CDH18: variants seen among roughly 807,000 people sequenced by gnomAD.
CDH18 encodes cadherin 18, also known as cadherin-18.
CDH18 carries 31 observed loss-of-function variants against 67.9 expected under a neutral mutation model. The observed-to-expected ratio is 0.46, with a 90% CI of 0.34 to 0.62. The LOEUF is 0.62. Ranked by LOEUF, CDH18 falls within the 20% of genes least tolerant of loss-of-function variation. The pLI, the probability that CDH18 is intolerant of heterozygous loss-of-function variation, is 0.01. For missense variants in CDH18, 890 were observed against 975.5 expected, an observed-to-expected ratio of 0.91 and a Z score of 1.17; for synonymous variants, 362 against 347.2, an observed-to-expected ratio of 1.04 and a Z score of -0.48.
intron 2 of CDH18, among the ~76,000 whole-genome samples, chr5:20,171,599 T>C (rs1216783793): frequency 6.6e-6 from 1 of 152,110 alleles, no homozygotes; most frequent in African/African-American, 2.4e-5. Context: ...TTAAGTCTCT[T>C]ACAGATGCTG....
chr5:19,910,742 C>T (rs1579549604), intron 2 of CDH18, among the ~76,000 whole-genome samples: 3 of 152,078 alleles, frequency 2.0e-5, no homozygotes, highest in African/African-American at 7.2e-5. Context: ...GTGTCCTGGA[C>T]ATTGGAGATG....
At chr5:20,323,098 C>G (rs933582091) in intron 1 of CDH18, among the ~76,000 whole-genome samples, 1 of 151,992 alleles carries the variant, frequency 6.6e-6, no homozygotes, top group Non-Finnish European at 1.5e-5. Context: ...ATAATTCACA[C>G]GGTGAATGAA....
chr5:20,569,694 G>A (rs1248889255), intron 1 of CDH18, among the ~76,000 whole-genome samples: 1 of 152,118 alleles, frequency 6.6e-6, no homozygotes, highest in Admixed American at 6.6e-5. Context: ...CAAATGAGTT[G>A]AACACTTACA....
chr5:19,810,821 A>C (rs572436564), intron 3 of CDH18, among the ~76,000 whole-genome samples: 2 of 151,992 alleles, frequency 1.3e-5, no homozygotes, highest in Admixed American at 1.3e-4. Context: ...TCAGGAGTTC[A>C]AGACTAGCCT....
intron 5 of CDH18, among the ~76,000 whole-genome samples, chr5:19,720,065 T>C (rs1765880809): frequency 6.6e-6 from 1 of 152,084 alleles, no homozygotes; most frequent in Admixed American, 6.6e-5. Flanking sequence ...CAAATCCTCT[T>C]GTAAACATGA....
intron 1 of CDH18, among the ~76,000 whole-genome samples, chr5:20,428,558 C>T (rs1748495633): frequency 2.0e-5 from 3 of 152,188 alleles, no homozygotes; most frequent in South Asian, 2.1e-4. Context: ...TACACTCCCA[C>T]CACAGTGTAA....
chr5:19,674,070 T>C (rs537353755), intron 5 of CDH18, among the ~76,000 whole-genome samples: 2 of 152,262 alleles, frequency 1.3e-5, no homozygotes, highest in South Asian at 2.1e-4. Flanking sequence ...TACCTTCTTT[T>C]ATTTTTTTGT....
chr5:20,418,373 G>A (rs957083175), intron 1 of CDH18, among the ~76,000 whole-genome samples: 6 of 150,276 alleles, frequency 4.0e-5, no homozygotes, highest in African/African-American at 1.5e-4. Context: ...GAGCCACCAC[G>A]CCCGGCCAAG....
chr5:19,870,603 T>C lies in CDH18; in HGVS notation c.-256-31361A>G, dbSNP rs138432688. On this transcript the variant is annotated intron_variant, in intron 2 of 12. Coordinates refer to ENST00000382275, the MANE Select transcript of CDH18 (RefSeq NM_004934.5). ...TCTTCAACTGGAGCCACACCTCCCC[T>C]GAGCAAGTTTATGTTTTCTTGTGCT... Among the ~76,000 whole-genome samples, 1,184 of 152,222 alleles carry C rather than the reference T, an allele frequency of 7.8e-3. 9 individuals are homozygous for C. Among genetic ancestry groups the C allele is most frequent in the Middle Eastern group, 0.02 (6 of 294 alleles).
At chr5:20,012,535 A>C (rs1299537963) in intron 2 of CDH18, among the ~76,000 whole-genome samples, 1 of 152,130 alleles carries the variant, frequency 6.6e-6, no homozygotes, top group African/African-American at 2.4e-5. Context: ...CAAGAAGAAT[A>C]AAACACCTAG....
At chr5:19,792,489 T>C (rs1200006544) in intron 3 of CDH18, among the ~76,000 whole-genome samples, 1 of 152,180 alleles carries the variant, frequency 6.6e-6, no homozygotes, top group African/African-American at 2.4e-5. Flanking sequence ...AGACAGCACA[T>C]GGTAGGACTG....
chr5:20,242,620 A>ATACATATATATATATACATG (rs1554106665), intron 2 of CDH18, among the ~76,000 whole-genome samples: 12 of 68,874 alleles, frequency 1.7e-4, no homozygotes, highest in East Asian at 8.8e-4. Context: ...AAATATATAT[A>ATACATATATATATATACATG]TATATATATA....
At chr5:20,047,060 C>G (rs148780938) in intron 2 of CDH18, among the ~76,000 whole-genome samples, 1 of 151,790 alleles carries the variant, frequency 6.6e-6, no homozygotes, top group African/African-American at 2.4e-5. Context: ...GTTGATGGAG[C>G]AGTGTTTGGA....
intron 1 of CDH18, among the ~76,000 whole-genome samples, chr5:20,270,455 T>C (rs1259403799): frequency 6.6e-6 from 1 of 152,122 alleles, no homozygotes; most frequent in Admixed American, 6.6e-5. Context: ...CCAGTCAGAA[T>C]GGCTATTATT....
At chr5:20,284,255 G>T (rs1307542026) in intron 1 of CDH18, among the ~76,000 whole-genome samples, 1 of 151,892 alleles carries the variant, frequency 6.6e-6, no homozygotes, top group East Asian at 1.9e-4. Context: ...TAATTGGATT[G>T]TTTGTCACAT....
chr5:20,043,183 T>C (rs1046724444), intron 2 of CDH18, among the ~76,000 whole-genome samples: 8 of 152,038 alleles, frequency 5.3e-5, no homozygotes, highest in African/African-American at 1.7e-4. Context: ...CTATCAGTAA[T>C]GTCTACCGAT....
In CDH18 at chr5:19,891,729, A is replaced by G. The variant is rs532464810; in HGVS notation, c.-256-52487T>C. ...GGCTGAGATACTCTGTTTTCAGAAT[A>G]GAAACATCAGCTTTGGAAATGATAC... On this transcript the variant is annotated intron_variant, in intron 2 of 12. Transcript: ENST00000382275. Among the ~76,000 whole-genome samples, 278 of 152,336 alleles carry G rather than the reference A, an allele frequency of 1.8e-3. 1 individual carries two copies. Among genetic ancestry groups the G allele is most frequent in the African/African-American group, 6.4e-3 (266 of 41,584 alleles).
intron 7 of CDH18, among the ~76,000 whole-genome samples, chr5:19,588,668 CAA>C (rs1328252994): frequency 6.6e-6 from 1 of 151,894 alleles, no homozygotes; most frequent in Admixed American, 6.6e-5. Flanking sequence ...ATCTCACGTG[CAA>C]AGACACTTAT....
intron 2 of CDH18, among the ~76,000 whole-genome samples, chr5:20,209,151 T>C (rs1242537528): frequency 6.6e-6 from 1 of 152,026 alleles, no homozygotes; most frequent in African/African-American, 2.4e-5. Context: ...ATACTGTTGG[T>C]AGAAAGGTAA....
Sources: gnomAD v4.1 joint callset for allele counts (sites outside exome capture counted in the v4.1 genomes callset) on GRCh38, gnomAD v4.1.1 for gene constraint, MANE v1.5 for transcripts, NCBI Gene and HGNC (gene_info 2026-07-23, HGNC 2026-07-21) for gene names.